Variants in NAP1L4 observed in about 807,000 individuals in gnomAD.
The protein encoded by NAP1L4 is nucleosome assembly protein 1 like 4.
NAP1L4 carries 15 observed loss-of-function variants against 58.2 expected under a neutral mutation model. The observed-to-expected ratio is 0.26, with a 90% confidence interval of 0.17 to 0.40. The LOEUF (loss-of-function observed/expected upper bound fraction) is 0.40. Among genes scored for constraint, NAP1L4 ranks in the 10% least tolerant of loss-of-function variants. The pLI is 1.00. For missense variants in NAP1L4, 384 were observed against 451.1 expected (o/e 0.85, Z 1.35); for synonymous variants, 171 against 155.6 (o/e 1.10, Z -0.74).
At chr11:2,975,962 TTTTCC>T in intron 4 of NAP1L4, 57 bp downstream of exon 4, 1 of 1,451,420 alleles carries the variant, frequency 6.9e-7, no homozygotes, top group Non-Finnish European at 9.5e-7. Flanking sequence ...GAAAAGTGGT[TTTTCC>T]TTTATTTTCC....
chr11:2,967,388 G>A (rs745791964), intron 7 of NAP1L4, among the ~76,000 whole-genome samples: 7 of 152,120 alleles, frequency 4.6e-5, no homozygotes, highest in Admixed American at 2.0e-4. Flanking sequence ...CAAGGCAGGC[G>A]GATGATGAGG....
chr11:2,989,252 G>A (rs969049854), intron 1 of NAP1L4: 2 of 152,124 alleles, frequency 1.3e-5, no homozygotes, highest in Non-Finnish European at 2.9e-5. Context: ...TTCTACTCTG[G>A]AAGCCTAAAA....
In NAP1L4 at chr11:2,945,594, C is replaced by T. The variant is rs1439952923; in HGVS notation, c.*85G>A. The T allele has an allele frequency of 1.3e-6, 2 of 1,535,934 alleles. No individual in the cohort carries two copies. Among genetic ancestry groups the T allele is most frequent in the Non-Finnish European group, 1.7e-6 (2 of 1,146,774 alleles). On this transcript the variant is annotated 3_prime_UTR_variant, in exon 16 of 16. Coordinates refer to ENST00000380542, the MANE Select transcript of NAP1L4 (RefSeq NM_005969.4). ...GTCCCGACAGCCGGTCTGCCAGGCA[C>T]CCGCCTCCGCTTCCTACTGCTGCTT...
chr11:2,954,778 G>A lies in NAP1L4; in HGVS notation c.916-132C>T, dbSNP rs1424082142. 8.4e-7 allele frequency: 1 copy of A among 1,189,816 alleles called. No individual in the cohort carries two copies. The highest frequency in any genetic ancestry group is 1.2e-6 in the Non-Finnish European group (1 of 819,110). The allele number at this position is 1,189,816 out of a possible 1,614,324, so 73.7% of individuals were successfully genotyped here. ...AAACACCAAACTCCTGCACTGCTGG[G>A]GGACAGCCACTAGACACTCAAAGCC... is the stretch of plus-strand genomic sequence containing the variant. On this transcript the variant is annotated intron_variant, in intron 11 of 15. Transcript: ENST00000380542. This position sits in a 1 kb window ranked among gnomAD's most constrained non-coding sequence, Gnocchi z 4.8.
chr11:2,949,099 T>C lies in NAP1L4; in HGVS notation c.*32+128A>G. Reference sequence around the variant, plus strand: ...TAAAAGTACATGTAACAGACACCTATGTCAAACCTGTGACACAGTGAGTGT... The same window carrying C: ...TAAAAGTACATGTAACAGACACCTACGTCAAACCTGTGACACAGTGAGTGT... On this transcript the variant is annotated intron_variant, in intron 15 of 15. Coordinates refer to ENST00000380542, the MANE Select transcript of NAP1L4 (RefSeq NM_005969.4). This position sits in a 1 kb window ranked among gnomAD's most constrained non-coding sequence, Gnocchi z 4.0. 1.4e-6 allele frequency: 1 copy of C among 697,748 alleles called. No individual in the cohort carries two copies. The highest frequency in any genetic ancestry group is 2.1e-5 in the South Asian group (1 of 48,584). 43.2% of individuals were successfully genotyped at this position (697,748 alleles called of 1,614,324 possible).
At chr11:2,988,867 A>G (rs563191553) in intron 1 of NAP1L4, among the ~76,000 whole-genome samples, 7 of 152,354 alleles carry the variant, frequency 4.6e-5, no homozygotes, top group African/African-American at 9.6e-5. Context: ...TAAAAACACA[A>G]TGCCTCTGTT....
At chr11:2,990,504 G>C (rs572431526) in intron 1 of NAP1L4, 1 of 152,310 alleles carries the variant, frequency 6.6e-6, no homozygotes, top group African/African-American at 2.4e-5. Flanking sequence ...TACTATAGGA[G>C]GCATTTGGCA....
intron 8 of NAP1L4, among the ~76,000 whole-genome samples, chr11:2,961,244 G>A (rs1785333521): frequency 6.6e-6 from 1 of 152,154 alleles, no homozygotes; most frequent in Non-Finnish European, 1.5e-5. Context: ...TGGAGGAGGA[G>A]GCGGGGCATG....
rs1279548338 is a variant in NAP1L4 at position 2,971,943 on chromosome 11, A to G, written c.315+159T>C. On this transcript the variant is annotated intron_variant, in intron 5 of 15. Coordinates refer to ENST00000380542, the MANE Select transcript of NAP1L4 (RefSeq NM_005969.4). This position sits in a 1 kb window ranked among gnomAD's most constrained non-coding sequence, Gnocchi z 4.2. ...TTTTGCCTGACTGCAGGCTAATGTT[A>G]GCGTTCTGAGCTTGTTTAAGGTAGT... Among the ~76,000 whole-genome samples, 1 of 152,240 alleles carries G rather than the reference A, an allele frequency of 6.6e-6. No homozygotes were observed. Among genetic ancestry groups the G allele is most frequent in the Non-Finnish European group, 1.5e-5 (1 of 68,040 alleles).
chr11:2,968,562 A>T (rs1454741403), intron 7 of NAP1L4, among the ~76,000 whole-genome samples: 1 of 152,238 alleles, frequency 6.6e-6, no homozygotes, highest in African/African-American at 2.4e-5. Flanking sequence ...TTGGCTTAGG[A>T]CACAGGACAA....
At chr11:2,972,058 T>C (rs760182246) in intron 5 of NAP1L4, 44 bp downstream of exon 5, 4 of 1,483,578 alleles carry the variant, frequency 2.7e-6, no homozygotes, top group Non-Finnish European at 3.6e-6. Context: ...AACACCTTCG[T>C]AAGCTGAAAA....
At chr11:2,961,927 G>A (rs1279967751) in intron 8 of NAP1L4, among the ~76,000 whole-genome samples, 1 of 152,188 alleles carries the variant, frequency 6.6e-6, no homozygotes, top group East Asian at 1.9e-4. Context: ...GACAACTGAA[G>A]ATGATTCAAG....
rs965805167 is a variant in NAP1L4, at chr11:2,948,237, A to G, written c.*32+990T>C. On this transcript the variant is annotated intron_variant, in intron 15 of 15. Transcript: ENST00000380542. This position sits in a 1 kb window ranked among gnomAD's most constrained non-coding sequence, Gnocchi z 5.1. ...AGCTGCATCCGCCCTATGTACCATC[A>G]GTTTCCCATGAAAGCAGCCTACATG... is the stretch of plus-strand genomic sequence containing the variant. Among the ~76,000 whole-genome samples, 1 of 152,224 alleles carries G rather than the reference A, an allele frequency of 6.6e-6. No homozygotes were observed. Among genetic ancestry groups the G allele is most frequent in the African/African-American group, 2.4e-5 (1 of 41,452 alleles).
chr11:2,963,098 CAAAAAAAAAAAA>C (rs55650724), intron 8 of NAP1L4, among the ~76,000 whole-genome samples: 1 of 97,092 alleles, frequency 1.0e-5, no homozygotes, highest in Non-Finnish European at 2.0e-5. Context: ...GACTCGGTCT[CAAAAAAAAAAAA>C]AAAAAGAAAA....
rs1484204162 is a variant in NAP1L4 at position 2,948,868 on chromosome 11, G to A, written c.*32+359C>T. Among the ~76,000 whole-genome samples, 1 of 152,242 alleles carries A rather than the reference G, an allele frequency of 6.6e-6. No homozygotes were observed. The highest frequency in any genetic ancestry group is 1.5e-5 in the Non-Finnish European group (1 of 68,048). On this transcript the variant is annotated intron_variant, in intron 15 of 15. Coordinates refer to ENST00000380542, the MANE Select transcript of NAP1L4 (RefSeq NM_005969.4). The surrounding 1 kb of genome is among the most constrained non-coding windows in gnomAD (Gnocchi z 5.1). ...TTCTGAGCACAGCTGGGACAGCCCA[G>A]TGTGTTATGCTCTCTGCAAGGACTG...
chr11:2,971,718 G>A lies in NAP1L4; in HGVS notation c.316-184C>T, dbSNP rs1027485571. 6.6e-6 allele frequency among the ~76,000 whole-genome samples: 1 copy of A among 152,184 alleles called. No homozygotes were observed. The highest frequency in any genetic ancestry group is 1.5e-5 in the Non-Finnish European group (1 of 68,036). ...AATGATTCCCTGGGTAAACCTGGAT[G>A]TTTCACCTAAAGATGTAAAATAAAG... On this transcript the variant is annotated intron_variant, in intron 5 of 15. Transcript: ENST00000380542. The surrounding 1 kb of genome is among the most constrained non-coding windows in gnomAD (Gnocchi z 4.2).
At position 2,972,178 on chromosome 11, in the gene NAP1L4, A is replaced by T. The variant is rs773474874; in HGVS notation, c.239T>A (p.Ile80Lys). The change falls in exon 5 of 16, where the codon ATA becomes AAA. Residue 80 changes from isoleucine to lysine, a missense_variant. Transcript: ENST00000380542. Reference sequence around the variant, plus strand: ...TACCTCTTCATAGAACTTGGCTTCTATGTGAGCACATCTCACCTGAAGTTG... The same window carrying T: ...TACCTCTTCATAGAACTTGGCTTCTTTGTGAGCACATCTCACCTGAAGTTG... ...LKQLQVRCAH[I>K]EAKFYEEVHD... 3 of 1,609,550 alleles carry T rather than the reference A, an allele frequency of 1.9e-6. No homozygotes were observed. Among genetic ancestry groups the T allele is most frequent in the Non-Finnish European group, 1.7e-6 (2 of 1,178,680 alleles).
At chr11:2,974,321 G>GC (rs370893936) in intron 4 of NAP1L4, among the ~76,000 whole-genome samples, 223 of 152,178 alleles carry the variant, frequency 1.5e-3, no homozygotes, top group African/African-American at 4.7e-3. Flanking sequence ...ACTACACCCA[G>GC]CCCTCTGCCG....
rs761928825 is a variant in NAP1L4 at position 2,964,748 on chromosome 11, A to G, written c.538T>C (p.Tyr180His). Residue 180 changes from tyrosine (Y) to histidine (H), a missense_variant, in exon 8 of 16, where the codon TAT (tyrosine) becomes CAT (histidine). Tyr to His is a moderately conservative substitution (Grantham distance 83, BLOSUM62 2). Transcript: ENST00000380542. ...AGGTGTTTCAAGATTGGTTCATCATATTCCTAATCAAAAAGAGAAAAAAAA... is the reference window on the plus strand; with the variant it reads ...AGGTGTTTCAAGATTGGTTCATCATGTTCCTAATCAAAAAGAGAAAAAAAA... ...VDMLSELVQE[Y>H]DEPILKHLQD... 10 of 1,612,166 alleles carry G rather than the reference A, an allele frequency of 6.2e-6. No individual in the cohort carries two copies. Among genetic ancestry groups the G allele is most frequent in the Non-Finnish European group, 8.5e-6 (10 of 1,178,606 alleles).
Sources: gnomAD v4.1 joint callset for allele counts (sites outside exome capture counted in the v4.1 genomes callset) on GRCh38, gnomAD v4.1.1 for gene constraint, Gnocchi (gnomAD v3.1) non-coding constraint, MANE v1.5 for transcripts, NCBI Gene and HGNC (gene_info 2026-07-23, HGNC 2026-07-21) for gene names.